Variants in PTPRQ observed in about 807,000 individuals in gnomAD.
PTPRQ encodes protein tyrosine phosphatase receptor type Q, also known as phosphatidylinositol phosphatase PTPRQ.
PTPRQ carries 199 observed loss-of-function variants against 246.0 expected under a neutral mutation model. The observed-to-expected ratio is 0.81, with a 90% CI of 0.72 to 0.91. The LOEUF (loss-of-function observed/expected upper bound fraction) is 0.91. Ranked by LOEUF, PTPRQ falls within the 40% of genes least tolerant of loss-of-function variation. The pLI is 0.00. For missense variants in PTPRQ, 2,624 were observed against 2,528.4 expected, an observed-to-expected ratio of 1.04 and a Z score of -0.81; for synonymous variants, 869 against 853.2, an observed-to-expected ratio of 1.02 and a Z score of -0.32.
chr12:80,572,240 T>C (rs1477934925), intron 25 of PTPRQ, among the ~76,000 whole-genome samples: 2 of 152,124 alleles, frequency 1.3e-5, no homozygotes, highest in East Asian at 1.9e-4. Context: ...ATTTTGCATA[T>C]CTTTTGTTAA....
chr12:80,496,555 G>A, intron 14 of PTPRQ, 24 bp downstream of exon 14: 1 of 1,532,508 alleles, frequency 6.5e-7, no homozygotes, highest in Non-Finnish European at 8.8e-7. Flanking sequence ...TTCTTTGTTT[G>A]TTTAATAATA....
intron 14 of PTPRQ, among the ~76,000 whole-genome samples, chr12:80,497,081 C>A (rs2120661418): frequency 6.6e-6 from 1 of 151,976 alleles, no homozygotes; most frequent in Middle Eastern, 3.4e-3. Flanking sequence ...CAATTTTTCC[C>A]CTCCCTCCGG....
intron 26 of PTPRQ, among the ~76,000 whole-genome samples, chr12:80,590,701 G>A (rs767658274): frequency 2.8e-5 from 4 of 141,370 alleles, no homozygotes; most frequent in Non-Finnish European, 6.1e-5. Context: ...ACTATCCAAT[G>A]TACTCCCATG....
At chr12:80,607,512 A>G (rs1392134258) in intron 27 of PTPRQ, among the ~76,000 whole-genome samples, 1 of 135,752 alleles carries the variant, frequency 7.4e-6, no homozygotes, top group East Asian at 2.1e-4. Flanking sequence ...CCTTCCTCAC[A>G]CATTTTAAAA....
Position 80,460,832 on chromosome 12 carries a change from T to G in PTPRQ, c.840T>G (p.Leu280=), listed in dbSNP as rs543065295. 3.5e-5 allele frequency: 14 copies of G among 400,698 alleles called. No homozygotes were observed. The East Asian group carries it at 5.0e-4, about 14-fold the overall frequency. The allele number at this position is 400,698 out of a possible 1,614,324, so 24.8% of individuals were successfully genotyped here. ...ACTTGAGACCTTATACAACATATCT[T>G]TTTGAAGTTTCAGCTGCTACAACTG... ...VTHLRPYTTY[L]FEVSAATTEA... The change falls in exon 6 of 45, where the codon CTT becomes CTG. Residue 280 remains leucine (L), a synonymous_variant. Transcript: ENST00000644991.
chr12:80,648,427 G>T (rs1230289195), intron 35 of PTPRQ, among the ~76,000 whole-genome samples: 2 of 151,946 alleles, frequency 1.3e-5, no homozygotes, highest in African/African-American at 4.8e-5. Context: ...ATTTGTTGTT[G>T]CTGTGTATTT....
At chr12:80,529,429 A>T (rs1338902755) in intron 17 of PTPRQ, among the ~76,000 whole-genome samples, 4 of 152,206 alleles carry the variant, frequency 2.6e-5, no homozygotes, top group African/African-American at 9.6e-5. Flanking sequence ...AATGATAAAG[A>T]TTAAAACTAA....
intron 17 of PTPRQ, 61 bp downstream of exon 17, chr12:80,510,504 A>G (rs998260619): frequency 1.4e-5 from 19 of 1,373,832 alleles, no homozygotes; most frequent in Admixed American, 2.7e-5. Flanking sequence ...ACATAATAGG[A>G]ATGTAGCTTT....
At position 80,546,633 on chromosome 12, in the gene PTPRQ, G is replaced by A. The variant is rs1363328448; in HGVS notation, c.3951G>A (p.Ala1317=). The A allele has an allele frequency of 9.0e-5, 139 of 1,551,164 alleles. No homozygotes were observed. Among genetic ancestry groups the A allele is most frequent in the Non-Finnish European group, 1.2e-4 (132 of 1,146,852 alleles). ...PVSTYSIRVS[A]FTKVGNGNQF... Reference sequence around the variant, plus strand: ...GCACCTACTCTATCCGTGTATCTGCGTTCACCAAAGTTGGAAATGGCAATC... The same window carrying A: ...GCACCTACTCTATCCGTGTATCTGCATTCACCAAAGTTGGAAATGGCAATC... The change falls in exon 24 of 45, where the codon GCG becomes GCA. Residue 1317 remains alanine (A), a synonymous_variant. Coordinates refer to ENST00000644991, the MANE Select transcript of PTPRQ (RefSeq NM_001145026.2).
At chr12:80,651,049 G>A (rs1900241989) in intron 37 of PTPRQ, among the ~76,000 whole-genome samples, 1 of 151,972 alleles carries the variant, frequency 6.6e-6, no homozygotes. Context: ...CCTACTATGT[G>A]ATAGGCATTG....
At chr12:80,657,840 G>C in intron 38 of PTPRQ, 145 bp from the exon 39 acceptor site, 1 of 459,932 alleles carries the variant, frequency 2.2e-6, no homozygotes, top group Non-Finnish European at 3.6e-6. Context: ...TAGAAATATG[G>C]GAGAAGAAAT....
intron 4 of PTPRQ, among the ~76,000 whole-genome samples, chr12:80,459,072 A>G (rs1344194690): frequency 6.6e-6 from 1 of 151,978 alleles, no homozygotes; most frequent in Non-Finnish European, 1.5e-5. Flanking sequence ...CAATGCATGT[A>G]TTAGCCCAGT....
intron 35 of PTPRQ, among the ~76,000 whole-genome samples, chr12:80,647,713 T>C (rs879361025): frequency 6.6e-6 from 1 of 152,204 alleles, no homozygotes; most frequent in African/African-American, 2.4e-5. Flanking sequence ...TAAGGAATTC[T>C]TTCTTGCTTT....
At chr12:80,444,461 T>C (rs1892490873) in intron 1 of PTPRQ, 62 bp downstream of exon 1, 1 of 953,804 alleles carries the variant, frequency 1.0e-6, no homozygotes, top group South Asian at 1.5e-5. Flanking sequence ...TTCTCAAGAC[T>C]TGAATAGTTG....
At chr12:80,668,186 C>T (rs550980799) in intron 39 of PTPRQ, among the ~76,000 whole-genome samples, 1 of 151,992 alleles carries the variant, frequency 6.6e-6, no homozygotes, top group South Asian at 2.1e-4. Context: ...TTAACTTATA[C>T]ATTACCTTTC....
rs1472546551 is a variant in PTPRQ, at chr12:80,445,646, G to A, written c.319G>A (p.Val107Ile). 2 of 1,550,076 alleles carry A rather than the reference G, an allele frequency of 1.3e-6. No homozygotes were observed. The highest frequency in any genetic ancestry group is 1.7e-6 in the Non-Finnish European group (2 of 1,145,884). The change falls in exon 3 of 45, where the codon GTC (valine) becomes ATC (isoleucine). Residue 107 changes from valine (V) to isoleucine (I), a missense_variant. Physicochemically the swap from Val to Ile is conservative, Grantham distance 29. Transcript: ENST00000644991. The part of the protein sequence containing the change: ...CPWMQTVYTQ[V>I]RSKPDSLEVL... Reference sequence around the variant, plus strand: ...GTGGATGCAAACAGTATATACACAAGTCAGATCAAAGCCAGACAGTCTGGA... The same window carrying A: ...GTGGATGCAAACAGTATATACACAAATCAGATCAAAGCCAGACAGTCTGGA...
intron 35 of PTPRQ, among the ~76,000 whole-genome samples, chr12:80,637,942 A>T (rs998334447): frequency 1.3e-5 from 2 of 152,144 alleles, no homozygotes; most frequent in Non-Finnish European, 2.9e-5. Context: ...TGTTATCTGC[A>T]GGAAAGAACT....
At chr12:80,664,860 A>G (rs1900737481) in intron 39 of PTPRQ, among the ~76,000 whole-genome samples, 1 of 152,008 alleles carries the variant, frequency 6.6e-6, no homozygotes, top group African/African-American at 2.4e-5. Context: ...CTCATCTTCC[A>G]GACCTGCAAA....
chr12:80,471,639 G>A (rs368029778), intron 7 of PTPRQ, among the ~76,000 whole-genome samples: 11 of 139,186 alleles, frequency 7.9e-5, no homozygotes, highest in South Asian at 5.0e-4. Flanking sequence ...CACTACGCCC[G>A]GCTAATTTTT....
Sources: allele counts gnomAD v4.1 joint callset (sites outside exome capture counted in the v4.1 genomes callset), GRCh38; gene constraint gnomAD v4.1.1; transcripts MANE v1.5; gene names NCBI Gene and HGNC (gene_info 2026-07-23, HGNC 2026-07-21).